FBXO42: variants seen among roughly 807,000 people sequenced by gnomAD.
FBXO42 encodes the protein F-box only protein 42.
In FBXO42, 12 loss-of-function variants were observed where a neutral mutation model predicts 71.7. That is an observed-to-expected ratio of 0.17 (90% CI 0.11 to 0.27). The LOEUF (loss-of-function observed/expected upper bound fraction) is 0.27, where lower values mean the gene tolerates loss of function less well. Among genes scored for constraint, FBXO42 ranks in the 10% least tolerant of loss-of-function variants. The pLI is 1.00. For missense variants in FBXO42, 707 were observed against 911.9 expected, an observed-to-expected ratio of 0.78 and a Z score of 2.89; for synonymous variants, 325 against 327.5, an observed-to-expected ratio of 0.99 and a Z score of 0.08.
At chr1:16,335,620 C>T (rs2082545651) in intron 1 of FBXO42, among the ~76,000 whole-genome samples, 1 of 152,076 alleles carries the variant, frequency 6.6e-6, no homozygotes, top group African/African-American at 2.4e-5. Context: ...AATCCTACCA[C>T]TTTGGGAGGC....
chr1:16,308,989 C>T (rs2082284261), intron 2 of FBXO42, among the ~76,000 whole-genome samples: 2 of 149,008 alleles, frequency 1.3e-5, no homozygotes, highest in Non-Finnish European at 3.0e-5. Flanking sequence ...GTGATCCGCC[C>T]ACCTCGGCCT....
chr1:16,352,363 T>C lies in FBXO42; in HGVS notation c.-126A>G, dbSNP rs1278561603. On this transcript the variant is annotated 5_prime_UTR_variant, in exon 1 of 10. Coordinates refer to ENST00000375592, the MANE Select transcript of FBXO42 (RefSeq NM_018994.3). ...GCTCTGCCTCAGGCCGCGACAGCCG[T>C]GCTCGGGGCTCCTCACAGCTGGCGG... is the stretch of plus-strand genomic sequence containing the variant. 1.3e-5 allele frequency: 5 copies of C among 398,138 alleles called. No individual in the cohort carries two copies. In the East Asian group the frequency reaches 1.4e-4, roughly 11 times the overall value. The allele number at this position is 398,138 out of a possible 1,614,324, so 24.7% of individuals were successfully genotyped here.
intron 4 of FBXO42, among the ~76,000 whole-genome samples, chr1:16,270,674 C>CAA (rs34861558): frequency 0.019 from 289 of 14,890 alleles, 59 homozygotes; most frequent in Admixed American, 0.023. Flanking sequence ...CTCTGTCTCT[C>CAA]AAAAAAAAAA....
chr1:16,286,027 T>C (rs1479567764), intron 4 of FBXO42, among the ~76,000 whole-genome samples: 1 of 151,950 alleles, frequency 6.6e-6, no homozygotes, highest in African/African-American at 2.4e-5. Flanking sequence ...GCTGGGACTA[T>C]AGGTTCACAC....
chr1:16,255,222 G>C (rs2081627745), intron 6 of FBXO42, among the ~76,000 whole-genome samples: 1 of 152,160 alleles, frequency 6.6e-6, no homozygotes, highest in African/African-American at 2.4e-5. Flanking sequence ...TGATTTTATA[G>C]AGCAAATTTT....
At chr1:16,338,384 A>AATG (rs1268138002) in intron 1 of FBXO42, among the ~76,000 whole-genome samples, 1 of 151,132 alleles carries the variant, frequency 6.6e-6, no homozygotes, top group Non-Finnish European at 1.5e-5. Flanking sequence ...AAAGAATAAC[A>AATG]ATGTTGCATG....
intron 4 of FBXO42, among the ~76,000 whole-genome samples, chr1:16,281,308 T>C (rs774431151): frequency 2.0e-5 from 3 of 152,114 alleles, no homozygotes; most frequent in Non-Finnish European, 2.9e-5. Context: ...TATCATCCTA[T>C]TGAGTTGATA....
At chr1:16,291,596 C>T (rs2082079831) in intron 4 of FBXO42, among the ~76,000 whole-genome samples, 1 of 151,612 alleles carries the variant, frequency 6.6e-6, no homozygotes, top group Non-Finnish European at 1.5e-5. Flanking sequence ...TGGCCAGGCT[C>T]GTCTGGAACT....
At chr1:16,259,178 C>T (rs545142284) in intron 4 of FBXO42, among the ~76,000 whole-genome samples, 6 of 152,258 alleles carry the variant, frequency 3.9e-5, no homozygotes, top group African/African-American at 1.2e-4. Flanking sequence ...AAACATTTAC[C>T]TCCCCAAGGG....
At chr1:16,323,348 G>A (rs952679620) in intron 1 of FBXO42, among the ~76,000 whole-genome samples, 24 of 152,116 alleles carry the variant, frequency 1.6e-4, no homozygotes, top group African/African-American at 4.8e-4. Flanking sequence ...AACCTGGGAG[G>A]CAGAGGTTGC....
chr1:16,280,190 A>G (rs1306287783), intron 4 of FBXO42, among the ~76,000 whole-genome samples: 1 of 152,154 alleles, frequency 6.6e-6, no homozygotes, highest in African/African-American at 2.4e-5. Context: ...ATGGCATTAT[A>G]TCTCCACGGT....
At position 16,274,334 on chromosome 1, in the gene FBXO42, A is replaced by G. The variant is rs2081875374; in HGVS notation, c.503-17575T>C. Among the ~76,000 whole-genome samples, 5 of 151,984 alleles carry G rather than the reference A, an allele frequency of 3.3e-5. No homozygotes were observed. The South Asian group carries it at 1.0e-3, about 32-fold the overall frequency. On this transcript the variant is annotated intron_variant, in intron 4 of 9. Transcript: ENST00000375592. ...AAAAACACAAAAAAAAAAGAAAAGAAAAGAAAAAAAGAACAGAACAAAGCC... is the reference window on the plus strand; with the variant it reads ...AAAAACACAAAAAAAAAAGAAAAGAGAAGAAAAAAAGAACAGAACAAAGCC...
At chr1:16,320,061 A>G (rs1462304479) in intron 1 of FBXO42, among the ~76,000 whole-genome samples, 1 of 151,278 alleles carries the variant, frequency 6.6e-6, no homozygotes, top group Non-Finnish European at 1.5e-5. Context: ...CCAAATTCCT[A>G]TCCTAAAACG....
rs1477375873 is a variant in FBXO42, at chr1:16,253,693, G to A, written c.806C>T (p.Ala269Val). Residue 269 changes from alanine to valine, a missense_variant, in exon 7 of 10, where the codon GCG (alanine) becomes GTG (valine). Physicochemically the swap from Ala to Val is moderately conservative, Grantham distance 64. This residue lies in a region of FBXO42 where 482 missense variants were observed against 587.1 expected (regional missense o/e 0.82). Coordinates refer to ENST00000375592, the MANE Select transcript of FBXO42 (RefSeq NM_018994.3). ...GCCAGAGATGTTCGGCTTGGACCAC[G>A]CCCACTGCTCAAGGTCAAGGACCCA... ...DVWVLDLEQWAWSKPNISGPS... is the reference protein window; with the variant it reads ...DVWVLDLEQWVWSKPNISGPS... 6 of 1,614,156 alleles carry A rather than the reference G, an allele frequency of 3.7e-6. No homozygotes were observed. The highest frequency in any genetic ancestry group is 1.3e-5 in the African/African-American group (1 of 75,040).
At chr1:16,279,947 A>G (rs528831667) in intron 4 of FBXO42, among the ~76,000 whole-genome samples, 220 of 150,632 alleles carry the variant, frequency 1.5e-3, no homozygotes, top group Non-Finnish European at 2.6e-3. Context: ...CCCTGGCTCA[A>G]CTGATTCTTG....
chr1:16,324,815 C>CA (rs1246270596), intron 1 of FBXO42, among the ~76,000 whole-genome samples: 1 of 151,476 alleles, frequency 6.6e-6, no homozygotes, highest in Admixed American at 6.6e-5. Context: ...GACTCCGTTT[C>CA]AAAAAATCAA....
intron 1 of FBXO42, among the ~76,000 whole-genome samples, chr1:16,325,418 T>C (rs532476722): frequency 1.1e-3 from 160 of 152,228 alleles, no homozygotes; most frequent in African/African-American, 3.7e-3. Flanking sequence ...AAAAAAAGCC[T>C]AGAAATAGAA....
At chr1:16,313,577 G>A (rs11260725) in intron 2 of FBXO42, among the ~76,000 whole-genome samples, 105,234 of 152,026 alleles carry the variant, frequency 0.69, 37,299 homozygotes, top group East Asian at 0.86. Context: ...TGCCAGTATT[G>A]GCAGTTATAA....
At chr1:16,283,501 T>TTTTTTGTTTTTTG (rs1447588772) in intron 4 of FBXO42, among the ~76,000 whole-genome samples, 9 of 136,498 alleles carry the variant, frequency 6.6e-5, no homozygotes, top group African/African-American at 2.2e-4. Context: ...CAAGTTTTTT[T>TTTTTTGTTTTTTG]TTTTTTTTTT....
Sources: allele counts gnomAD v4.1 joint callset (sites outside exome capture counted in the v4.1 genomes callset), GRCh38; gene constraint gnomAD v4.1.1; regional missense constraint gnomAD v4.1.1; transcripts MANE v1.5; gene names NCBI Gene and HGNC (gene_info 2026-07-23, HGNC 2026-07-21).